The following CPEB2 variants were observed in gnomAD, a reference collection of about 807,000 sequenced individuals.
The protein encoded by CPEB2 is cytoplasmic polyadenylation element binding protein 2, also known as cytoplasmic polyadenylation element-binding protein 2.
In CPEB2, 56 loss-of-function variants were observed where a neutral mutation model predicts 93.6. The ratio of observed to expected loss-of-function variants is 0.60; its 90% CI spans 0.48 to 0.75. CPEB2 has a LOEUF of 0.75. CPEB2 is among the 30% of genes least tolerant of loss of function. CPEB2 has a pLI of 0.00. For missense variants in CPEB2, 1,579 were observed against 1,395.1 expected (o/e 1.13, Z -2.10); for synonymous variants, 764 against 586.3 (o/e 1.30, Z -4.38).
chr4:15,009,692 A>T (rs1047685849), intron 3 of CPEB2, among the ~76,000 whole-genome samples: 1 of 152,224 alleles, frequency 6.6e-6, no homozygotes, highest in East Asian at 1.9e-4. Context: ...AAGCAATAGG[A>T]TGGATACATA....
chr4:15,064,579 TA>T (rs993627988), intron 11 of CPEB2, among the ~76,000 whole-genome samples: 12 of 150,366 alleles, frequency 8.0e-5, no homozygotes, highest in Non-Finnish European at 1.3e-4. Flanking sequence ...AATCTTATTT[TA>T]AAAAAAAAGA....
At chr4:15,029,324 C>T (rs895874349) in intron 4 of CPEB2, among the ~76,000 whole-genome samples, 13 of 151,376 alleles carry the variant, frequency 8.6e-5, no homozygotes, top group Admixed American at 3.3e-4. Context: ...CACAGAGGGC[C>T]GACTGTATAT....
chr4:15,059,036 T>A (rs780169736), intron 9 of CPEB2, 151 bp from the exon 10 acceptor site: 11 of 508,170 alleles, frequency 2.2e-5, no homozygotes, highest in Non-Finnish European at 3.5e-5. Context: ...AGTATCTAGA[T>A]CAACAAAAGT....
In CPEB2 at chr4:15,010,165, C is replaced by A. The variant is rs753175667; in HGVS notation, c.2034+1738C>A. Reference sequence around the variant, plus strand: ...AAACTTGGATCTTCTTCCTCTTCCTCATAATCTTTATGACATTGAATGACA... The same window carrying A: ...AAACTTGGATCTTCTTCCTCTTCCTAATAATCTTTATGACATTGAATGACA... On this transcript the variant is annotated intron_variant, in intron 3 of 11. Transcript: ENST00000538197. Among the ~76,000 whole-genome samples the A allele has an allele frequency of 1.4e-4, 21 of 152,258 alleles. 1 individual carries two copies. The highest frequency in any genetic ancestry group is 1.1e-3 in the Admixed American group (17 of 15,296).
At chr4:15,018,934 TTTTATATATA>T (rs1203344500) in intron 4 of CPEB2, among the ~76,000 whole-genome samples, 1 of 61,536 alleles carries the variant, frequency 1.6e-5, no homozygotes, top group East Asian at 1.1e-3. Flanking sequence ...CTAAGGGGAA[TTTTATATATA>T]TATATATATA....
At position 15,002,957 on chromosome 4, in the gene CPEB2, A is replaced by G; in HGVS notation, c.284A>G (p.Asp95Gly). 1 of 1,512,546 alleles carries G rather than the reference A, an allele frequency of 6.6e-7. No homozygotes were observed. Among genetic ancestry groups the G allele is most frequent in the Non-Finnish European group, 8.8e-7 (1 of 1,140,530 alleles). The allele number at this position is 1,512,546 out of a possible 1,614,324, so 93.7% of individuals were successfully genotyped here. A position where few individuals can be genotyped will look rare whatever the true frequency, so the allele number is the denominator to read the frequency against. The change falls in exon 1 of 12, where the codon GAT becomes GGT. Residue 95 changes from aspartate to glycine, a missense_variant. Transcript: ENST00000538197. ...PFLAHQQTMQDELLLGLTQQP... is the reference protein window; with the variant it reads ...PFLAHQQTMQGELLLGLTQQP... ...CTGGCGCATCAGCAGACCATGCAGG[A>G]TGAGCTGCTTCTGGGGCTGACACAG...
chr4:15,057,633 G>C (rs1430141213), intron 8 of CPEB2, among the ~76,000 whole-genome samples: 1 of 152,112 alleles, frequency 6.6e-6, no homozygotes, highest in Non-Finnish European at 1.5e-5. Context: ...TTATAATGTA[G>C]TCTATTCTGT....
chr4:15,006,263 CT>C (rs1722803808), intron 1 of CPEB2, among the ~76,000 whole-genome samples: 1 of 152,086 alleles, frequency 6.6e-6, no homozygotes, highest in African/African-American at 2.4e-5. Context: ...TCAGGAGTTT[CT>C]CTTTTAATTG....
At chr4:15,053,802 A>AT (rs1389169087) in intron 7 of CPEB2, among the ~76,000 whole-genome samples, 1 of 151,950 alleles carries the variant, frequency 6.6e-6, no homozygotes. Flanking sequence ...ATATGTTGGC[A>AT]TTTTTTTCAA....
intron 8 of CPEB2, among the ~76,000 whole-genome samples, chr4:15,055,517 T>A (rs1481801336): frequency 3.9e-5 from 6 of 152,306 alleles, no homozygotes; most frequent in African/African-American, 1.4e-4. Context: ...TTTGTAATGT[T>A]CCCGACTAAG....
chr4:15,060,624 G>A (rs1729098905), intron 10 of CPEB2, among the ~76,000 whole-genome samples: 1 of 152,094 alleles, frequency 6.6e-6, no homozygotes. Flanking sequence ...GAGCAGATAG[G>A]GAGGGAAGAT....
intron 4 of CPEB2, among the ~76,000 whole-genome samples, chr4:15,025,417 A>G (rs1725340905): frequency 6.6e-6 from 1 of 151,876 alleles, no homozygotes; most frequent in Non-Finnish European, 1.5e-5. Context: ...TTCATCTTTT[A>G]CTGTCTATTC....
At position 15,002,640 on chromosome 4, in the gene CPEB2, G is replaced by T; in HGVS notation, c.-34G>T. The stretch of plus-strand genomic sequence containing the variant: ...GCTTCCTAGGTGGGGCAGGGGACGA[G>T]GAGCGTCTCCTCCCGCTGCCGGCGG... On this transcript the variant is annotated 5_prime_UTR_variant, in exon 1 of 12. It adds an upstream start codon to the 5' untranslated region. Coordinates refer to ENST00000538197, the MANE Select transcript of CPEB2 (RefSeq NM_001177382.2). 1 of 1,465,566 alleles carries T rather than the reference G, an allele frequency of 6.8e-7. No homozygotes were observed. Among genetic ancestry groups the T allele is most frequent in the Non-Finnish European group, 9.0e-7 (1 of 1,106,890 alleles). The allele number at this position is 1,465,566 out of a possible 1,614,324, so 90.8% of individuals were successfully genotyped here. A position where few individuals can be genotyped will look rare whatever the true frequency, so the allele number is the denominator to read the frequency against.
At chr4:15,036,417 T>C (rs2109038160) in intron 5 of CPEB2, among the ~76,000 whole-genome samples, 1 of 152,230 alleles carries the variant, frequency 6.6e-6, no homozygotes, top group South Asian at 2.1e-4. Flanking sequence ...TTATATAGAA[T>C]TGTGTAGATT....
chr4:15,066,116 C>G, intron 11 of CPEB2, 37 bp from the exon 12 acceptor site: 1 of 1,523,424 alleles, frequency 6.6e-7, no homozygotes. Context: ...ATTTCTGAAG[C>G]AGACCCTAAT....
At chr4:15,013,142 TGTAA>T (rs151237269) in intron 3 of CPEB2, among the ~76,000 whole-genome samples, 4,121 of 152,056 alleles carry the variant, frequency 0.027, 89 homozygotes, top group South Asian at 0.14. Context: ...TTGATACTCC[TGTAA>T]GTGTTTGTGG....
chr4:15,037,227 C>A (rs2702519), intron 5 of CPEB2, among the ~76,000 whole-genome samples: 5 of 151,608 alleles, frequency 3.3e-5, no homozygotes, highest in South Asian at 2.1e-4. Flanking sequence ...GCGTGAACCC[C>A]GGGAGTTGGA....
chr4:15,019,056 TTGGC>T (rs1220271235), intron 4 of CPEB2, among the ~76,000 whole-genome samples: 1 of 150,658 alleles, frequency 6.6e-6, no homozygotes, highest in Non-Finnish European at 1.5e-5. Context: ...AAAATTATCT[TTGGC>T]TGTGAGAAGG....
intron 5 of CPEB2, among the ~76,000 whole-genome samples, chr4:15,034,389 G>T (rs1726406049): frequency 6.6e-6 from 1 of 152,178 alleles, no homozygotes; most frequent in Non-Finnish European, 1.5e-5. Context: ...GATTTTGTCA[G>T]TTGGGAAAAG....
Sources: allele counts gnomAD v4.1 joint callset (sites outside exome capture counted in the v4.1 genomes callset), GRCh38; gene constraint gnomAD v4.1.1; transcripts MANE v1.5; gene names NCBI Gene and HGNC (gene_info 2026-07-23, HGNC 2026-07-21).